Variants in DCDC1 observed in about 807,000 individuals in gnomAD.
DCDC1 encodes doublecortin domain-containing protein 1.
Under a neutral mutation model 178.3 loss-of-function variants are expected in DCDC1, and 200 were observed. The ratio of observed to expected loss-of-function variants is 1.12; its 90% CI spans 1.00 to 1.26. The LOEUF (loss-of-function observed/expected upper bound fraction) is 1.26. Among genes scored for constraint, DCDC1 ranks in the 50% most tolerant of loss-of-function variants. The probability of loss-of-function intolerance (pLI) is 0.00; values close to 1 mark genes in which losing one functional copy is unlikely to be tolerated. For synonymous variants in DCDC1, 690 were observed against 604.8 expected (o/e 1.14, Z -2.07); for missense variants, 1,983 against 1,749.2 (o/e 1.13, Z -2.38).
At chr11:31,073,207 G>T (rs1956673282) in intron 18 of DCDC1, among the ~76,000 whole-genome samples, 1 of 152,062 alleles carries the variant, frequency 6.6e-6, no homozygotes, top group South Asian at 2.1e-4. Context: ...ATTGTGTTTG[G>T]GAATTAAGTT....
intron 8 of DCDC1, among the ~76,000 whole-genome samples, chr11:31,247,593 C>T (rs938704133): frequency 6.6e-6 from 1 of 151,870 alleles, no homozygotes; most frequent in African/African-American, 2.4e-5. Flanking sequence ...ACTCATCATA[C>T]GCTTACTGAT....
At chr11:30,920,965 A>AT (rs1565076818) in intron 24 of DCDC1, 30 bp from the exon 25 acceptor site, 1 of 1,586,056 alleles carries the variant, frequency 6.3e-7, no homozygotes, top group Admixed American at 1.8e-5. Context: ...TTGCAAAGAC[A>AT]TATTACTTAC....
chr11:31,091,645 C>A, intron 16 of DCDC1, 134 bp from the exon 17 acceptor site: 1 of 606,616 alleles, frequency 1.6e-6, no homozygotes, highest in South Asian at 2.0e-5. Flanking sequence ...AAGTGAAACA[C>A]TACCCACAAC....
At chr11:30,881,392 C>T (rs779208790) in intron 36 of DCDC1, 84 bp from the exon 37 acceptor site, 42 of 1,499,784 alleles carry the variant, frequency 2.8e-5, no homozygotes, top group Non-Finnish European at 3.6e-5. Flanking sequence ...TCTGAGAAAA[C>T]TATTATCCCA....
intron 15 of DCDC1, among the ~76,000 whole-genome samples, chr11:31,099,750 C>G (rs553613663): frequency 1.4e-5 from 2 of 145,604 alleles, no homozygotes; most frequent in East Asian, 4.1e-4. Context: ...GACAGAGTCT[C>G]GCTCGGTTGC....
At chr11:31,286,875 C>T (rs976411961) in intron 7 of DCDC1, among the ~76,000 whole-genome samples, 3 of 152,002 alleles carry the variant, frequency 2.0e-5, no homozygotes, top group Non-Finnish European at 4.4e-5. Flanking sequence ...GAAAAGAGGA[C>T]AATTAAATGA....
At chr11:31,344,317 A>C (rs2133242147) in intron 1 of DCDC1, among the ~76,000 whole-genome samples, 1 of 152,312 alleles carries the variant, frequency 6.6e-6, no homozygotes, top group African/African-American at 2.4e-5. Context: ...ACACAGAAAA[A>C]CCACAATCTT....
intron 15 of DCDC1, among the ~76,000 whole-genome samples, chr11:31,100,042 A>T (rs1380979535): frequency 1.3e-5 from 2 of 152,124 alleles, no homozygotes; most frequent in Non-Finnish European, 2.9e-5. Flanking sequence ...AATAGCCTTT[A>T]TTGAACATGC....
rs538961894 is a variant in DCDC1 at position 30,900,906 on chromosome 11, C to G, written c.4511-408G>C. Among the ~76,000 whole-genome samples the G allele has an allele frequency of 8.6e-5, 13 of 152,010 alleles. No homozygotes were observed. The South Asian group carries it at 2.5e-3, about 29-fold the overall frequency. On this transcript the variant is annotated intron_variant, in intron 32 of 38. Transcript: ENST00000684477. ...ATAATAATATCTCATTCTGCTGTTT[C>G]TTTTTTTAAAAGAACAAAGTAATAT...
chr11:31,245,782 T>C (rs1943512583), intron 8 of DCDC1, among the ~76,000 whole-genome samples: 2 of 151,892 alleles, frequency 1.3e-5, no homozygotes, highest in African/African-American at 4.8e-5. Context: ...AAAATAACTC[T>C]TTTAAATAAA....
chr11:31,015,325 C>T (rs189464578), intron 20 of DCDC1, among the ~76,000 whole-genome samples: 2 of 152,176 alleles, frequency 1.3e-5, no homozygotes, highest in African/African-American at 4.8e-5. Context: ...TTGTTAAGTC[C>T]TCTTCTTATT....
chr11:30,957,973 A>G (rs968555725), intron 20 of DCDC1, among the ~76,000 whole-genome samples: 2 of 152,166 alleles, frequency 1.3e-5, no homozygotes, highest in Admixed American at 1.3e-4. Context: ...CAAAGAGGTC[A>G]GTGTGATGTG....
At chr11:31,113,641 A>C (rs1959355649) in intron 11 of DCDC1, among the ~76,000 whole-genome samples, 1 of 152,094 alleles carries the variant, frequency 6.6e-6, no homozygotes, top group African/African-American at 2.4e-5. Context: ...ATGGCTGCAT[A>C]GTATTCCATG....
chr11:31,074,488 A>G (rs904956101), intron 18 of DCDC1, among the ~76,000 whole-genome samples: 3 of 152,128 alleles, frequency 2.0e-5, no homozygotes, highest in African/African-American at 7.2e-5. Flanking sequence ...GAGTTTGTTC[A>G]ATCCTTTCTG....
chr11:31,368,268 C>T (rs1952067029), intron 1 of DCDC1, among the ~76,000 whole-genome samples: 1 of 152,036 alleles, frequency 6.6e-6, no homozygotes, highest in Admixed American at 6.6e-5. Flanking sequence ...ACACAATAAC[C>T]TAATAAATAG....
chr11:30,898,996 G>A (rs923321626), intron 34 of DCDC1, among the ~76,000 whole-genome samples: 11 of 152,216 alleles, frequency 7.2e-5, no homozygotes, highest in African/African-American at 2.4e-4. Flanking sequence ...GGAAGAAGGA[G>A]ACCAATAATT....
intron 6 of DCDC1, among the ~76,000 whole-genome samples, chr11:31,294,597 TGGGGA>T (rs1325011380): frequency 7.8e-4 from 35 of 45,036 alleles, no homozygotes; most frequent in East Asian, 1.8e-3. Context: ...AGGAAAGGGA[TGGGGA>T]GGGGAGGGGA....
chr11:31,223,257 T>C (rs1198710773), intron 9 of DCDC1, among the ~76,000 whole-genome samples: 3 of 152,182 alleles, frequency 2.0e-5, no homozygotes, highest in Non-Finnish European at 2.9e-5. Flanking sequence ...ATATCCATAG[T>C]TGATCTCTTT....
At chr11:30,939,151 A>G (rs536920594) in intron 21 of DCDC1, among the ~76,000 whole-genome samples, 293 of 152,282 alleles carry the variant, frequency 1.9e-3, no homozygotes, top group African/African-American at 6.8e-3. Flanking sequence ...ATCTTGGCTC[A>G]TGCACGAGGT....
Sources: allele counts gnomAD v4.1 joint callset (sites outside exome capture counted in the v4.1 genomes callset), GRCh38; gene constraint gnomAD v4.1.1; transcripts MANE v1.5; gene names NCBI Gene and HGNC (gene_info 2026-07-23, HGNC 2026-07-21).